Variants in HTRA4 observed in about 807,000 individuals in gnomAD.
The protein encoded by HTRA4 is serine protease HTRA4.
HTRA4 carries 46 observed loss-of-function variants against 49.1 expected under a neutral mutation model. The observed-to-expected ratio is 0.94, with a 90% CI of 0.74 to 1.20. HTRA4 has a LOEUF of 1.20. Among genes scored for constraint, HTRA4 ranks in the 50% most tolerant of loss-of-function variants. The pLI is 0.00. For synonymous variants in HTRA4, 261 were observed against 264.0 expected, an observed-to-expected ratio of 0.99 and a Z score of 0.11; for missense variants, 602 against 636.9, an observed-to-expected ratio of 0.95 and a Z score of 0.59.
At chr8:38,987,411 G>T (rs1835495411) in intron 8 of HTRA4, among the ~76,000 whole-genome samples, 1 of 147,090 alleles carries the variant, frequency 6.8e-6, no homozygotes, top group East Asian at 2.1e-4. Flanking sequence ...TTTTGATTTA[G>T]TGGAAGCAGA....
At chr8:38,981,077 T>TG (rs1554565755) in intron 5 of HTRA4, among the ~76,000 whole-genome samples, 2 of 105,168 alleles carry the variant, frequency 1.9e-5, no homozygotes, top group African/African-American at 4.5e-5. Context: ...TTTTTTTTTT[T>TG]TTTTTTTTTT....
At chr8:38,978,545 G>T (rs140954741) in intron 4 of HTRA4, among the ~76,000 whole-genome samples, 242 of 152,312 alleles carry the variant, frequency 1.6e-3, no homozygotes, top group African/African-American at 5.6e-3. Context: ...TCAGTGAGAA[G>T]AATATGTCAG....
At chr8:38,982,692 A>G in intron 7 of HTRA4, 137 bp downstream of exon 7, 4 of 765,122 alleles carry the variant, frequency 5.2e-6, no homozygotes, top group Middle Eastern at 2.8e-4. Context: ...GTCTCAGGGT[A>G]TGTATCTGCC....
At chr8:38,984,748 A>AAAAAAAC (rs1185329269) in intron 8 of HTRA4, among the ~76,000 whole-genome samples, 1 of 151,856 alleles carries the variant, frequency 6.6e-6, no homozygotes, top group Non-Finnish European at 1.5e-5. Flanking sequence ...GACCCCATTT[A>AAAAAAAC]AAAAAACAAA....
In HTRA4 at chr8:38,974,434, G is replaced by A. The variant is rs1425669459; in HGVS notation, c.171G>A (p.Leu57=). The A allele has an allele frequency of 6.5e-7, 1 of 1,546,880 alleles. No homozygotes were observed. The highest frequency in any genetic ancestry group is 1.2e-5 in the South Asian group (1 of 84,514). The change falls in exon 1 of 9, where the codon CTG becomes CTA. Residue 57 remains leucine, a synonymous_variant. Transcript: ENST00000302495. The part of the protein sequence containing the change: ...TRCPALPTCA[L]GTTPVFDLCR... ...GCCCCGCGCTGCCCACCTGCGCGCT[G>A]GGGACCACGCCGGTGTTCGACCTGT... is the stretch of plus-strand genomic sequence containing the variant.
At chr8:38,977,179 G>C (rs1467092050) in intron 3 of HTRA4, among the ~76,000 whole-genome samples, 2 of 151,620 alleles carry the variant, frequency 1.3e-5, no homozygotes, top group African/African-American at 4.8e-5. Flanking sequence ...CAAGTGATCC[G>C]CCCGCTTCGG....
intron 4 of HTRA4, 78 bp downstream of exon 4, chr8:38,978,225 C>A: frequency 7.9e-7 from 1 of 1,269,652 alleles, no homozygotes; most frequent in Non-Finnish European, 1.1e-6. Flanking sequence ...GGAACTGGGC[C>A]GCACAGCAGG....
Position 38,976,626 on chromosome 8 carries a change from G to A in HTRA4, c.658G>A (p.Val220Ile). Reference sequence around the variant, plus strand: ...GCTCATTATTACCAATGCCCATGTTGTCAGGAACCAGCAGTGGATTGAGGT... The same window carrying A: ...GCTCATTATTACCAATGCCCATGTTATCAGGAACCAGCAGTGGATTGAGGT... ...DGLIITNAHV[V>I]RNQQWIEVVL... Residue 220 changes from valine (V) to isoleucine (I), a missense_variant, in exon 3 of 9, where the codon GTC (valine) becomes ATC (isoleucine). Val to Ile is a conservative substitution (Grantham distance 29). Coordinates refer to ENST00000302495, the MANE Select transcript of HTRA4 (RefSeq NM_153692.4). 2 of 1,614,176 alleles carry A rather than the reference G, an allele frequency of 1.2e-6. No individual in the cohort carries two copies. Among genetic ancestry groups the A allele is most frequent in the South Asian group, 2.2e-5 (2 of 91,082 alleles).
At chr8:38,987,899 T>C in intron 8 of HTRA4, 37 bp from the exon 9 acceptor site, 4 of 1,505,774 alleles carry the variant, frequency 2.7e-6, no homozygotes, top group Non-Finnish European at 1.8e-6. Flanking sequence ...ATTCTTGTTA[T>C]AGTTTCATGA....
Position 38,974,553 on chromosome 8 carries a change from C to T in HTRA4, c.290C>T (p.Pro97Leu). Residue 97 changes from proline (P) to leucine (L), a missense_variant, in exon 1 of 9, where the codon CCG (proline) becomes CTG (leucine). Physicochemically the swap from Pro to Leu is moderately conservative, Grantham distance 98. Transcript: ENST00000302495. ...PCAPGLQCLQ[P>L]LRPGFPSTCG... is the part of the protein sequence containing the mutation. Reference sequence around the variant, plus strand: ...GCCCCGGGGCTGCAGTGCCTCCAGCCGCTGCGCCCCGGGTTCCCCAGCACC... The same window carrying T: ...GCCCCGGGGCTGCAGTGCCTCCAGCTGCTGCGCCCCGGGTTCCCCAGCACC... 1.4e-6 allele frequency: 2 copies of T among 1,402,534 alleles called. No homozygotes were observed. Among genetic ancestry groups the T allele is most frequent in the Non-Finnish European group, 1.8e-6 (2 of 1,087,412 alleles). 86.9% of individuals were successfully genotyped at this position (1,402,534 alleles called of 1,614,324 possible).
At chr8:38,974,779 G>A in intron 1 of HTRA4, 50 bp downstream of exon 1, 1 of 1,411,720 alleles carries the variant, frequency 7.1e-7, no homozygotes, top group East Asian at 2.5e-5. Flanking sequence ...CTCTGGAGGA[G>A]CGTAAAGGAA....
At position 38,988,122 on chromosome 8, in the gene HTRA4, A is replaced by T. The variant is rs754234118; in HGVS notation, c.*24A>T. On this transcript the variant is annotated 3_prime_UTR_variant, in exon 9 of 9. Coordinates refer to ENST00000302495, the MANE Select transcript of HTRA4 (RefSeq NM_153692.4). ...AAATATCTTGTTTTAAAGTGGGATT[A>T]TCTAAAAAAAAAAAAACCAGTTATA... 2.7e-6 allele frequency: 4 copies of T among 1,472,568 alleles called. No individual in the cohort carries two copies. The highest frequency in any genetic ancestry group is 1.3e-5 in the South Asian group (1 of 76,332). The allele number at this position is 1,472,568 out of a possible 1,614,324, so 91.2% of individuals were successfully genotyped here.
chr8:38,976,487 C>T (rs1325066866), intron 2 of HTRA4, 48 bp from the exon 3 acceptor site: 2 of 1,545,394 alleles, frequency 1.3e-6, no homozygotes, highest in African/African-American at 1.4e-5. Context: ...ATGGCTGTAT[C>T]CCCTAACTTT....
intron 8 of HTRA4, among the ~76,000 whole-genome samples, chr8:38,983,398 C>T (rs374699687): frequency 5.3e-5 from 8 of 151,950 alleles, no homozygotes; most frequent in South Asian, 2.1e-4. Context: ...TTAGTGGGTG[C>T]GCCTGTAATT....
chr8:38,981,318 A>T (rs951779192), intron 5 of HTRA4, among the ~76,000 whole-genome samples: 16 of 151,558 alleles, frequency 1.1e-4, no homozygotes, highest in Admixed American at 2.0e-4. Context: ...TGACCTCGTG[A>T]TCCGCCCGCC....
At chr8:38,985,145 C>CT (rs1286916281) in intron 8 of HTRA4, among the ~76,000 whole-genome samples, 8 of 148,490 alleles carry the variant, frequency 5.4e-5, no homozygotes, top group Non-Finnish European at 1.2e-4. Context: ...TTCTCCTGGG[C>CT]TTTTCTGTTG....
intron 8 of HTRA4, among the ~76,000 whole-genome samples, chr8:38,987,180 G>A (rs1340782225): frequency 6.6e-6 from 1 of 152,180 alleles, no homozygotes; most frequent in African/African-American, 2.4e-5. Flanking sequence ...ATCAAGTGGT[G>A]TCTCCTGGAG....
chr8:38,981,850 T>A, intron 6 of HTRA4, 83 bp downstream of exon 6: 1 of 938,334 alleles, frequency 1.1e-6, no homozygotes, highest in South Asian at 1.5e-5. Context: ...GACAGCAATT[T>A]TTTTGTTTTT....
Position 38,976,355 on chromosome 8 carries a change from G to A in HTRA4, c.567-180G>A, listed in dbSNP as rs572294059. On this transcript the variant is annotated intron_variant, in intron 2 of 8. Transcript: ENST00000302495. ...GGTGGTTGCAGTGAGCCGAGATTGC[G>A]CCACTGCACTCCAGCTTGGGCAACA... is the stretch of plus-strand genomic sequence containing the variant. Among the ~76,000 whole-genome samples the A allele has an allele frequency of 4.6e-5, 7 of 152,220 alleles. No homozygotes were observed. The South Asian group carries it at 6.2e-4, about 14-fold the overall frequency.
Sources: allele counts gnomAD v4.1 joint callset (sites outside exome capture counted in the v4.1 genomes callset), GRCh38; gene constraint gnomAD v4.1.1; transcripts MANE v1.5; gene names NCBI Gene and HGNC (gene_info 2026-07-23, HGNC 2026-07-21).